The following AMZ2 variants were observed in gnomAD, a reference collection of about 807,000 sequenced individuals.
AMZ2 encodes archaemetzincin-2.
Under a neutral mutation model 36.7 loss-of-function variants are expected in AMZ2, and 26 were observed. The observed-to-expected ratio is 0.71, with a 90% CI of 0.52 to 0.98. AMZ2 has a LOEUF of 0.98. Among genes scored for constraint, AMZ2 ranks in the 50% least tolerant of loss-of-function variants. The pLI, the probability that AMZ2 is intolerant of heterozygous loss-of-function variation, is 0.00. For missense variants in AMZ2, 394 were observed against 430.5 expected, an observed-to-expected ratio of 0.92 and a Z score of 0.75; for synonymous variants, 144 against 149.1, an observed-to-expected ratio of 0.97 and a Z score of 0.25.
chr17:68,242,789 A>C (rs149296339), intron 1 of AMZ2, among the ~76,000 whole-genome samples: 41 of 152,112 alleles, frequency 2.7e-4, no homozygotes, highest in Non-Finnish European at 5.4e-4. Context: ...TAATCCCAGC[A>C]CTTTGGAAGG....
chr17:68,214,733 A>T (rs1289804497), intron 1 of AMZ2, among the ~76,000 whole-genome samples: 1 of 149,278 alleles, frequency 6.7e-6, no homozygotes, highest in South Asian at 2.1e-4. Flanking sequence ...TACTTTCAGA[A>T]TTTTTTTTTT....
At chr17:68,231,896 A>G (rs1416113436) in intron 1 of AMZ2, among the ~76,000 whole-genome samples, 3 of 152,262 alleles carry the variant, frequency 2.0e-5, no homozygotes, top group East Asian at 1.9e-4. Flanking sequence ...GGTATATCCC[A>G]TGAAATTTAT....
chr17:68,213,627 C>T (rs555871703), intron 1 of AMZ2, among the ~76,000 whole-genome samples: 73 of 152,336 alleles, frequency 4.8e-4, no homozygotes, highest in African/African-American at 1.7e-3. Context: ...GTGTGGGCCA[C>T]TTTCATCCAC....
At chr17:68,220,885 C>T (rs1467266617) in intron 1 of AMZ2, among the ~76,000 whole-genome samples, 7 of 149,864 alleles carry the variant, frequency 4.7e-5, no homozygotes, top group African/African-American at 7.3e-5. Context: ...TGGGTTCAAG[C>T]GATTCCCCTG....
intron 1 of AMZ2, among the ~76,000 whole-genome samples, chr17:68,211,724 G>A (rs12947050): frequency 3.7e-5 from 4 of 107,262 alleles, no homozygotes; most frequent in Admixed American, 9.1e-5. Context: ...GTATATATAT[G>A]TATATGTATA....
chr17:68,245,319 C>T (rs1301692289), upstream of AMZ2, among the ~76,000 whole-genome samples: 2 of 151,966 alleles, frequency 1.3e-5, no homozygotes, highest in African/African-American at 2.4e-5. Context: ...CTGACTGCAG[C>T]CTCGATCTCC....
chr17:68,209,632 A>ATATATGTATATATATATT, intron 1 of AMZ2, among the ~76,000 whole-genome samples: 62 of 90,628 alleles, frequency 6.8e-4, no homozygotes, highest in Non-Finnish European at 1.2e-3. Context: ...ATATATATAT[A>ATATATGTATATATATATT]TTTTTTTTTT....
At chr17:68,224,571 G>A (rs1457561699) in intron 1 of AMZ2, among the ~76,000 whole-genome samples, 28 of 148,112 alleles carry the variant, frequency 1.9e-4, no homozygotes, top group Admixed American at 1.0e-3. Context: ...CTAGAGACAG[G>A]GTCTCACTCT....
At chr17:68,221,736 GAA>G (rs57589374) in intron 1 of AMZ2, among the ~76,000 whole-genome samples, 3,197 of 148,446 alleles carry the variant, frequency 0.022, 122 homozygotes, top group African/African-American at 0.073. Flanking sequence ...TTAAAAAAAA[GAA>G]AAAAAAAAAT....
upstream of AMZ2, chr17:68,247,336 C>CAAAAAAAAAAAAAAA (rs71142158): frequency 2.6e-5 from 2 of 78,198 alleles, no homozygotes; most frequent in Non-Finnish European, 4.7e-5. Context: ...ACTCCGTCTC[C>CAAAAAAAAAAAAAAA]AAAAAAAAAA....
At chr17:68,238,801 A>G (rs2073844882) in intron 1 of AMZ2, among the ~76,000 whole-genome samples, 1 of 152,226 alleles carries the variant, frequency 6.6e-6, no homozygotes, top group South Asian at 2.1e-4. Context: ...TGTTCCGGGA[A>G]AGAGTAACTA....
At chr17:68,227,025 C>T (rs12949226) in intron 1 of AMZ2, among the ~76,000 whole-genome samples, 50,580 of 147,144 alleles carry the variant, frequency 0.34, 9,758 homozygotes, top group African/African-American at 0.53. Flanking sequence ...ATAATAACTT[C>T]TATGGCTTCG....
chr17:68,248,288 T>G lies in AMZ2; in HGVS notation c.-418T>G. The G allele has an allele frequency of 1.0e-6, 1 of 985,842 alleles. No individual in the cohort carries two copies. Among genetic ancestry groups the G allele is most frequent in the African/African-American group, 1.7e-5 (1 of 57,362 alleles). The allele number at this position is 985,842 out of a possible 1,614,324, so 61.1% of individuals were successfully genotyped here. A position where few individuals can be genotyped will look rare whatever the true frequency, so the allele number is the denominator to read the frequency against. On this transcript the variant is annotated 5_prime_UTR_variant, in exon 1 of 7. Transcript: ENST00000359904. Reference sequence around the variant, plus strand: ...GTGCCTCTAGGGAGCCAGGGAGGCCTTTCCCGAGGCTCCTGGGGAAGAAGA... The same window carrying G: ...GTGCCTCTAGGGAGCCAGGGAGGCCGTTCCCGAGGCTCCTGGGGAAGAAGA...
At chr17:68,233,353 G>A (rs1555731727) in intron 1 of AMZ2, among the ~76,000 whole-genome samples, 15 of 151,836 alleles carry the variant, frequency 9.9e-5, no homozygotes, top group Non-Finnish European at 2.2e-4. Flanking sequence ...TACTAAAAAC[G>A]TAAAAATTAG....
rs146398265 is a variant in AMZ2 at position 68,211,231 on chromosome 17, G to A, written c.-67+4993G>A. Among the ~76,000 whole-genome samples, 469 of 152,194 alleles carry A rather than the reference G, an allele frequency of 3.1e-3. 3 individuals carry two copies. Among genetic ancestry groups the A allele is most frequent in the African/African-American group, 0.011 (450 of 41,528 alleles). On this transcript the variant is annotated intron_variant, in intron 1 of 7. Coordinates refer to the AMZ2 transcript ENST00000674770. ...AAATGTTCTGGAATTGGCCGGGCAC[G>A]GTGGCTCACGCCTGTAATCCCAGCG...
chr17:68,225,636 CT>C (rs1268170554), intron 1 of AMZ2, among the ~76,000 whole-genome samples: 2 of 151,334 alleles, frequency 1.3e-5, no homozygotes, highest in African/African-American at 2.4e-5. Flanking sequence ...CTTTTCTTTT[CT>C]TTTTTTTATT....
At chr17:68,243,671 G>T (rs1466179020), upstream of AMZ2, among the ~76,000 whole-genome samples, 1 of 152,088 alleles carries the variant, frequency 6.6e-6, no homozygotes, top group African/African-American at 2.4e-5. Context: ...TCCATGTCAG[G>T]TTGTTCACCA....
At chr17:68,210,449 G>A (rs1455365373) in intron 1 of AMZ2, among the ~76,000 whole-genome samples, 1 of 152,204 alleles carries the variant, frequency 6.6e-6, no homozygotes, top group Non-Finnish European at 1.5e-5. Context: ...CAAATACTGT[G>A]TGATTCCACT....
chr17:68,211,792 ATATATG>A (rs1568340190), intron 1 of AMZ2, among the ~76,000 whole-genome samples: 37 of 89,788 alleles, frequency 4.1e-4, no homozygotes, highest in African/African-American at 2.6e-3. Flanking sequence ...ATGTATATGT[ATATATG>A]TGTATATGTA....
Sources: gnomAD v4.1 joint callset for allele counts (sites outside exome capture counted in the v4.1 genomes callset) on GRCh38, gnomAD v4.1.1 for gene constraint, MANE v1.5 for transcripts, NCBI Gene and HGNC (gene_info 2026-07-23, HGNC 2026-07-21) for gene names.